The following DUSP11 variants were observed in gnomAD, a reference collection of about 807,000 sequenced individuals.
The protein encoded by DUSP11 is RNA/RNP complex-1-interacting phosphatase.
DUSP11 carries 27 observed loss-of-function variants against 41.4 expected under a neutral mutation model. That is an observed-to-expected ratio of 0.65 (90% CI 0.48 to 0.90). DUSP11 has a LOEUF of 0.90. Ranked by LOEUF, DUSP11 falls within the 40% of genes least tolerant of loss-of-function variation. DUSP11 has a pLI of 0.00. For missense variants in DUSP11, 465 were observed against 461.1 expected (o/e 1.01, Z -0.08); for synonymous variants, 188 against 159.3 (o/e 1.18, Z -1.35).
intron 2 of DUSP11, 65 bp downstream of exon 2, chr2:73,778,236 G>T: frequency 9.6e-7 from 1 of 1,040,300 alleles, no homozygotes; most frequent in East Asian, 2.7e-5. Flanking sequence ...GTGATAGAGT[G>T]GAGAGCAGTG....
chr2:73,776,403 G>A (rs1391342047), intron 2 of DUSP11, among the ~76,000 whole-genome samples: 3 of 118,920 alleles, frequency 2.5e-5, no homozygotes, highest in Non-Finnish European at 3.3e-5. Flanking sequence ...CGACAAGCGA[G>A]ACACCATCTC....
At chr2:73,779,915 G>C (rs1461580689) in exon 1 of DUSP11, 9 of 1,614,112 alleles carry the variant, frequency 5.6e-6, no homozygotes, top group Admixed American at 1.7e-5. Flanking sequence ...TGGCTGAGGA[G>C]CGTCCTGAAA....
chr2:73,774,878 G>T, intron 3 of DUSP11, 35 bp downstream of exon 3: 1 of 1,484,654 alleles, frequency 6.7e-7, no homozygotes, highest in South Asian at 1.4e-5. Flanking sequence ...GGATCAGAAG[G>T]AAGAAAGTTC....
At chr2:73,769,298 T>C (rs1377626466) in exon 5 of DUSP11, 1 of 1,613,666 alleles carries the variant, frequency 6.2e-7, no homozygotes, top group Non-Finnish European at 8.5e-7. Flanking sequence ...GTTTAAACCA[T>C]GGGTACAGTG....
Position 73,766,904 on chromosome 2 carries a change from C to A in DUSP11, c.683-1G>T, listed in dbSNP as rs748478929. ...CAATGTCCCCGGCACCTATTGAATA[C>A]TGAGGAGAGGATAAACTGTTAGAAA... On this transcript the variant is annotated splice_acceptor_variant, in intron 6 of 8. Coordinates refer to ENST00000272444, the Ensembl canonical transcript of DUSP11. LOFTEE classifies it high-confidence loss of function. The A allele has an allele frequency of 1.2e-6, 2 of 1,610,950 alleles. No homozygotes were observed.
intron 4 of DUSP11, among the ~76,000 whole-genome samples, chr2:73,770,472 GCCA>G (rs1202643351): frequency 2.5e-3 from 373 of 150,252 alleles, no homozygotes; most frequent in African/African-American, 8.7e-3. Context: ...CCAAAATGGT[GCCA>G]CTGCGCTCCA....
Position 73,779,921 on chromosome 2 carries a change from T to A in DUSP11, c.195A>T (p.Ser65=), listed in dbSNP as rs1411447244. Residue 65 remains serine (S), a synonymous_variant, in exon 1 of 9, where the codon TCA becomes TCT. Coordinates refer to ENST00000272444, the Ensembl canonical transcript of DUSP11. ...CCTTCTTCTTGGCTGAGGAGCGTCC[T>A]GAAAAGTCGCGTCTCCGGCCCCAGC... 6.2e-6 allele frequency: 10 copies of A among 1,614,216 alleles called. No homozygotes were observed. In the East Asian group the frequency reaches 2.0e-4, roughly 32 times the overall value.
At chr2:73,762,451 A>C in exon 9 of DUSP11, 1 of 361,276 alleles carries the variant, frequency 2.8e-6, no homozygotes, top group Non-Finnish European at 4.9e-6. Flanking sequence ...AGAAAAATTT[A>C]AGACTGGAAT....
At chr2:73,769,770 G>C (rs1202813857) in intron 4 of DUSP11, among the ~76,000 whole-genome samples, 1 of 152,160 alleles carries the variant, frequency 6.6e-6, no homozygotes, top group Non-Finnish European at 1.5e-5. Flanking sequence ...TCCTTCTCTT[G>C]TTCGGTGCTC....
In DUSP11 at chr2:73,780,073, G is replaced by A. The variant is rs764581635; in HGVS notation, c.43C>T (p.Arg15Ter). The A allele has an allele frequency of 1.1e-5, 18 of 1,596,552 alleles. No individual in the cohort carries two copies. In the African/African-American group the frequency reaches 1.2e-4, roughly 11 times the overall value. The stretch of plus-strand genomic sequence containing the variant: ...TAAGACCCTAAACAGGAAAAGACTC[G>A]GCAGCCACCTACGCCGCGCTCCAGC... The change falls in exon 1 of 9, where the codon CGA becomes TGA. Residue 15 changes from arginine (R) to a stop codon, truncating the protein, a stop_gained. Coordinates refer to ENST00000272444, the Ensembl canonical transcript of DUSP11. LOFTEE classifies it high-confidence loss of function.
chr2:73,764,602 T>G lies in DUSP11; in HGVS notation c.936-1743A>C, dbSNP rs186563970. ...ATCTTATCCAAGATCACAAAGCAGG[T>G]GAGTAACAAAGCCAACATGCAAATC... On this transcript the variant is annotated intron_variant, in intron 8 of 8. Transcript: ENST00000272444. Among the ~76,000 whole-genome samples the G allele has an allele frequency of 3.1e-3, 466 of 152,276 alleles. 4 individuals carry two copies. The highest frequency in any genetic ancestry group is 5.1e-3 in the Non-Finnish European group (348 of 68,020).
chr2:73,777,998 C>G (rs1672715609), intron 2 of DUSP11, among the ~76,000 whole-genome samples: 1 of 152,038 alleles, frequency 6.6e-6, no homozygotes, highest in African/African-American at 2.4e-5. Flanking sequence ...ATGGCGCAGG[C>G]AACTATTACT....
intron 8 of DUSP11, among the ~76,000 whole-genome samples, chr2:73,763,932 T>C (rs1672410280): frequency 6.6e-6 from 1 of 152,182 alleles, no homozygotes; most frequent in Non-Finnish European, 1.5e-5. Context: ...AATGTTATAG[T>C]ATGGATATAA....
At chr2:73,767,099 C>A (rs566639432) in intron 6 of DUSP11, 62 bp downstream of exon 6, 16 of 1,489,184 alleles carry the variant, frequency 1.1e-5, no homozygotes, top group South Asian at 7.1e-5. Context: ...TTGATAAATT[C>A]TTCTACATTT....
At chr2:73,764,010 G>A (rs1490136072) in intron 8 of DUSP11, among the ~76,000 whole-genome samples, 2 of 152,176 alleles carry the variant, frequency 1.3e-5, no homozygotes, top group East Asian at 1.9e-4. Flanking sequence ...CACAAATAAT[G>A]CTGGGATTAA....
At chr2:73,780,072 C>T in exon 1 of DUSP11, 1 of 1,596,660 alleles carries the variant, frequency 6.3e-7, no homozygotes. Context: ...GGAAAAGACT[C>T]GGCAGCCACC....
chr2:73,773,733 A>G, intron 4 of DUSP11, 67 bp downstream of exon 4: 1 of 1,502,072 alleles, frequency 6.7e-7, no homozygotes. Context: ...GAACTATAAA[A>G]AAATACCAAA....
At chr2:73,773,574 C>T (rs2116367) in intron 4 of DUSP11, 296,736 of 448,640 alleles carry the variant, frequency 0.66, 98,379 homozygotes, top group Middle Eastern at 0.69. Context: ...AAAGATGAGC[C>T]AGTTCAGTTC....
At chr2:73,779,753 C>A in intron 1 of DUSP11, 121 bp downstream of exon 1, 1 of 1,483,416 alleles carries the variant, frequency 6.7e-7, no homozygotes. Flanking sequence ...AGCCTCAAAG[C>A]AAGCGGCGGA....
Sources: allele counts gnomAD v4.1 joint callset (sites outside exome capture counted in the v4.1 genomes callset), GRCh38; gene constraint gnomAD v4.1.1; transcripts MANE v1.5; gene names NCBI Gene and HGNC (gene_info 2026-07-23, HGNC 2026-07-21).